PLEKHB2: variants seen among roughly 807,000 people sequenced by gnomAD.
The protein encoded by PLEKHB2 is pleckstrin homology domain-containing family B member 2.
A neutral mutation model predicts 36.5 loss-of-function variants in PLEKHB2; 31 were observed. The observed-to-expected ratio is 0.85, with a 90% CI of 0.64 to 1.15. PLEKHB2 has a LOEUF of 1.15. Among genes scored for constraint, PLEKHB2 ranks in the 50% most tolerant of loss-of-function variants. PLEKHB2 has a pLI of 0.00. For missense variants in PLEKHB2, 262 were observed against 295.3 expected (o/e 0.89, Z 0.83); for synonymous variants, 119 against 112.0 (o/e 1.06, Z -0.39).
intron 1 of PLEKHB2, chr2:131,119,128 T>G (rs1696200596): frequency 1.3e-5 from 2 of 151,190 alleles, no homozygotes; most frequent in Non-Finnish European, 2.9e-5. Context: ...GGTGGCATGC[T>G]CCTGTAGTCC....
At chr2:131,127,115 T>C (rs936001194) in intron 4 of PLEKHB2, 7 of 238,634 alleles carry the variant, frequency 2.9e-5, no homozygotes, top group African/African-American at 1.6e-4. Flanking sequence ...GTAAGGAAAC[T>C]GTCAGTTCCT....
At chr2:131,123,767 C>CCA (rs1696788459) in intron 2 of PLEKHB2, among the ~76,000 whole-genome samples, 2 of 12,260 alleles carry the variant, frequency 1.6e-4, no homozygotes, top group Admixed American at 9.0e-4. Flanking sequence ...TCCTGGTCCA[C>CCA]CCCCCCCACC....
intron 7 of PLEKHB2, among the ~76,000 whole-genome samples, chr2:131,141,495 C>T (rs1559107934): frequency 6.6e-6 from 1 of 151,936 alleles, no homozygotes; most frequent in Non-Finnish European, 1.5e-5. Context: ...AAAAAATTAG[C>T]TGGGCATGGT....
chr2:131,135,166 G>T (rs758351842), intron 6 of PLEKHB2, among the ~76,000 whole-genome samples: 5 of 151,992 alleles, frequency 3.3e-5, no homozygotes, highest in Non-Finnish European at 5.9e-5. Context: ...CCGCCTCCTG[G>T]GTTCAAGCGA....
chr2:131,120,155 C>CG (rs1370933272), intron 1 of PLEKHB2: 2 of 152,030 alleles, frequency 1.3e-5, no homozygotes, highest in East Asian at 3.9e-4. Flanking sequence ...TTAGTAGAGA[C>CG]GGGGTTTCAC....
intron 1 of PLEKHB2, among the ~76,000 whole-genome samples, chr2:131,106,559 C>T (rs1694755701): frequency 6.6e-6 from 1 of 152,134 alleles, no homozygotes; most frequent in Non-Finnish European, 1.5e-5. Flanking sequence ...GGTGTGTCTG[C>T]CTAAGGACCT....
At chr2:131,115,234 A>C (rs1475471505) in intron 1 of PLEKHB2, among the ~76,000 whole-genome samples, 1 of 151,674 alleles carries the variant, frequency 6.6e-6, no homozygotes, top group African/African-American at 2.4e-5. Flanking sequence ...AACTGTCCCC[A>C]TGATTCAGTT....
intron 4 of PLEKHB2, 92 bp from the exon 5 acceptor site, chr2:131,130,629 G>A: frequency 1.1e-6 from 1 of 952,130 alleles, no homozygotes; most frequent in Non-Finnish European, 1.7e-6. Context: ...TTTTTAAACA[G>A]ATCTTTTCAG....
At position 131,125,734 on chromosome 2, in the gene PLEKHB2, T is replaced by A; in HGVS notation, c.38-19T>A. Reference sequence around the variant, plus strand: ...GTCTCTAAAAAAAAAAAAACAACCGTACTATTTTTTTTTTCCAGGTACTAT... The same window carrying A: ...GTCTCTAAAAAAAAAAAAACAACCGAACTATTTTTTTTTTCCAGGTACTAT... On this transcript the variant is annotated intron_variant, in intron 2 of 7. Coordinates refer to ENST00000693505, the MANE Select transcript of PLEKHB2 (RefSeq NM_001100623.2). 6.4e-7 allele frequency: 1 copy of A among 1,567,438 alleles called. No individual in the cohort carries two copies.
chr2:131,134,131 C>G (rs530049288), intron 6 of PLEKHB2, among the ~76,000 whole-genome samples: 254 of 152,182 alleles, frequency 1.7e-3, no homozygotes, highest in African/African-American at 5.8e-3. Flanking sequence ...AATCTCCTGA[C>G]CTCATGATCC....
intron 7 of PLEKHB2, among the ~76,000 whole-genome samples, chr2:131,145,068 C>T (rs373055291): frequency 6.6e-6 from 1 of 152,174 alleles, no homozygotes; most frequent in East Asian, 1.9e-4. Flanking sequence ...TTTTGTCATT[C>T]ATCATCCTCT....
At chr2:131,115,464 C>T (rs1264609147) in intron 1 of PLEKHB2, among the ~76,000 whole-genome samples, 1 of 137,042 alleles carries the variant, frequency 7.3e-6, no homozygotes, top group Non-Finnish European at 1.5e-5. Flanking sequence ...AGTGATTCTT[C>T]TGCCTCAGCC....
chr2:131,128,688 G>A (rs1041905534), intron 4 of PLEKHB2, among the ~76,000 whole-genome samples: 2 of 152,136 alleles, frequency 1.3e-5, no homozygotes, highest in African/African-American at 4.8e-5. Flanking sequence ...TGAATCATTG[G>A]CATGGAAGAA....
intron 7 of PLEKHB2, among the ~76,000 whole-genome samples, chr2:131,142,205 C>CGGTG (rs1559109341): frequency 6.6e-6 from 1 of 152,210 alleles, no homozygotes; most frequent in African/African-American, 2.4e-5. Context: ...TCCACACAGG[C>CGGTG]GGTGCCCCAG....
chr2:131,128,626 G>A (rs1266539018), intron 4 of PLEKHB2, among the ~76,000 whole-genome samples: 1 of 152,146 alleles, frequency 6.6e-6, no homozygotes, highest in East Asian at 1.9e-4. Context: ...TGCCATTCAC[G>A]TTATAATCTG....
chr2:131,113,809 A>G (rs1312899069), intron 1 of PLEKHB2, among the ~76,000 whole-genome samples: 4 of 152,188 alleles, frequency 2.6e-5, no homozygotes, highest in Admixed American at 2.6e-4. Flanking sequence ...CCCAGTCTCC[A>G]GAGGCATCAT....
intron 5 of PLEKHB2, among the ~76,000 whole-genome samples, chr2:131,131,189 G>A (rs1466723204): frequency 1.3e-5 from 2 of 152,194 alleles, no homozygotes; most frequent in Non-Finnish European, 2.9e-5. Context: ...GCTGGGCAGG[G>A]CGCCTTTTGC....
At position 131,147,179 on chromosome 2, in the gene PLEKHB2, T is replaced by G. The variant is rs1699360787; in HGVS notation, c.*406T>G. On this transcript the variant is annotated 3_prime_UTR_variant, in exon 8 of 8. Coordinates refer to ENST00000693505, the MANE Select transcript of PLEKHB2 (RefSeq NM_001100623.2). ...AGAAAAGCTACAGCTTCTTTGCGTT[T>G]AACTTTTTCAAACCACAGACCAGAA... is the stretch of plus-strand genomic sequence containing the variant. 1 of 153,360 alleles carries G rather than the reference T, an allele frequency of 6.5e-6. No individual in the cohort carries two copies. Among genetic ancestry groups the G allele is most frequent in the African/African-American group, 2.4e-5 (1 of 41,524 alleles). 9.5% of individuals were successfully genotyped at this position (153,360 alleles called of 1,614,324 possible).
Position 131,117,221 on chromosome 2 carries a change from C to T in PLEKHB2, c.-8-3713C>T, listed in dbSNP as rs191480539. Among the ~76,000 whole-genome samples, 71 of 152,168 alleles carry T rather than the reference C, an allele frequency of 4.7e-4. No homozygotes were observed. The East Asian group carries it at 0.01, about 22-fold the overall frequency. On this transcript the variant is annotated intron_variant, in intron 1 of 7. Coordinates refer to ENST00000693505, the MANE Select transcript of PLEKHB2 (RefSeq NM_001100623.2). ...ATCCCAGCACTTTGAGAAGCTGAGG[C>T]GGGTGGATTGCCTGGCCAACGTGGC...
Sources: allele counts gnomAD v4.1 joint callset (sites outside exome capture counted in the v4.1 genomes callset), GRCh38; gene constraint gnomAD v4.1.1; transcripts MANE v1.5; gene names NCBI Gene and HGNC (gene_info 2026-07-23, HGNC 2026-07-21).